The following P3H2 variants were observed in gnomAD, a reference collection of about 807,000 sequenced individuals.
P3H2 encodes prolyl 3-hydroxylase 2.
P3H2 carries 80 observed loss-of-function variants against 87.0 expected under a neutral mutation model. The ratio of observed to expected loss-of-function variants is 0.92; its 90% CI spans 0.77 to 1.11. The LOEUF (loss-of-function observed/expected upper bound fraction) is 1.11, where lower values mean the gene tolerates loss of function less well. P3H2 is among the 50% of genes least tolerant of loss of function. P3H2 has a pLI of 0.00. For synonymous variants in P3H2, 367 were observed against 359.3 expected (o/e 1.02, Z -0.24); for missense variants, 1,001 against 923.9 (o/e 1.08, Z -1.08).
chr3:190,016,315 C>T (rs1477419293), intron 1 of P3H2, among the ~76,000 whole-genome samples: 2 of 148,014 alleles, frequency 1.4e-5, no homozygotes, highest in East Asian at 2.0e-4. Flanking sequence ...GTGATCTCGG[C>T]GCACTGCAAC....
chr3:190,011,723 T>C (rs1724595575), intron 1 of P3H2, among the ~76,000 whole-genome samples: 2 of 152,208 alleles, frequency 1.3e-5, no homozygotes, highest in Admixed American at 1.3e-4. Context: ...AAATTTCTAA[T>C]GGGCATAGAT....
intron 1 of P3H2, among the ~76,000 whole-genome samples, chr3:190,058,334 G>T (rs1234727297): frequency 6.6e-6 from 1 of 152,120 alleles, no homozygotes; most frequent in African/African-American, 2.4e-5. Flanking sequence ...ACCTCATAGT[G>T]AAGATACCAG....
At chr3:190,009,915 A>G (rs7619204) in intron 1 of P3H2, among the ~76,000 whole-genome samples, 5,333 of 152,232 alleles carry the variant, frequency 0.035, 254 homozygotes, top group African/African-American at 0.11. Context: ...ACTGTGGGAA[A>G]GGCTATATGA....
In P3H2 at chr3:189,984,398, T is replaced by C. The variant is rs1476184957; in HGVS notation, c.1229+152A>G. On this transcript the variant is annotated intron_variant, in intron 7 of 14. Coordinates refer to ENST00000319332, the MANE Select transcript of P3H2 (RefSeq NM_018192.4). ...GTTACAAAAACGTGGCAGGAAGAGC[T>C]GGGACCTGGATGTAGAGCTCCTAAT... The C allele has an allele frequency of 6.5e-6, 4 of 618,186 alleles. No homozygotes were observed. In the Admixed American group the frequency reaches 7.7e-5, roughly 12 times the overall value. The allele number at this position is 618,186 out of a possible 1,614,324, so 38.3% of individuals were successfully genotyped here. A position where few individuals can be genotyped will look rare whatever the true frequency, so the allele number is the denominator to read the frequency against.
chr3:190,060,849 A>G (rs1726309465), intron 1 of P3H2, among the ~76,000 whole-genome samples: 1 of 152,138 alleles, frequency 6.6e-6, no homozygotes. Flanking sequence ...AATGGCAGGA[A>G]CCATGCTACA....
chr3:189,958,007 G>A lies in P3H2; in HGVS notation c.2035-3C>T. 1.2e-6 allele frequency: 2 copies of A among 1,607,026 alleles called. No individual in the cohort carries two copies. Among genetic ancestry groups the A allele is most frequent in the Non-Finnish European group, 1.7e-6 (2 of 1,173,630 alleles). ...ACTTCATCAGCCTGTATTCGCTCCT[G>A]CAAAAAAGACAATTTACACATTTCT... On this transcript the variant is annotated splice_polypyrimidine_tract_variant and splice_region_variant and intron_variant, in intron 14 of 14. Transcript: ENST00000319332.
chr3:189,969,468 C>T, intron 13 of P3H2: 1 of 911,618 alleles, frequency 1.1e-6, no homozygotes, highest in Non-Finnish European at 1.8e-6. Context: ...ACTCCTCTAG[C>T]ACAACAATGA....
Position 189,973,935 on chromosome 3 carries a change from C to T in P3H2, c.1522G>A (p.Gly508Ser), listed in dbSNP as rs1723264280. Residue 508 changes from glycine (G) to serine (S), a missense_variant, in exon 10 of 15, where the codon GGT (glycine) becomes AGT (serine). Coordinates refer to ENST00000319332, the MANE Select transcript of P3H2 (RefSeq NM_018192.4). ...TTGAGTGCTTTCAGGACAGTTGCAC[C>T]TTCAAACTTTTCATTGGGTGTATGG... ...SPHTPNEKFE[G>S]ATVLKALKSG... is the part of the protein sequence containing the mutation. 1 of 1,613,956 alleles carries T rather than the reference C, an allele frequency of 6.2e-7. No individual in the cohort carries two copies. Among genetic ancestry groups the T allele is most frequent in the Non-Finnish European group, 8.5e-7 (1 of 1,179,966 alleles).
intron 1 of P3H2, among the ~76,000 whole-genome samples, chr3:190,118,815 G>C (rs114392843): frequency 2.6e-4 from 40 of 152,070 alleles, no homozygotes; most frequent in Non-Finnish European, 4.6e-4. Flanking sequence ...ACACAGCCTG[G>C]TCCAGCCGTG....
chr3:190,045,212 G>A (rs958192453), intron 1 of P3H2, among the ~76,000 whole-genome samples: 4 of 152,146 alleles, frequency 2.6e-5, no homozygotes, highest in Non-Finnish European at 4.4e-5. Flanking sequence ...TAACAAGCAG[G>A]CAAGGCCCAG....
At chr3:190,006,273 T>G (rs2108931197) in intron 1 of P3H2, among the ~76,000 whole-genome samples, 1 of 152,354 alleles carries the variant, frequency 6.6e-6, no homozygotes, top group Non-Finnish European at 1.5e-5. Context: ...ATTTATATCA[T>G]ATAGTCCCAC....
At chr3:189,969,477 G>C in intron 13 of P3H2, 1 of 927,936 alleles carries the variant, frequency 1.1e-6, no homozygotes, top group Middle Eastern at 2.1e-4. Flanking sequence ...GCACAACAAT[G>C]ACTTCCATCA....
At chr3:190,027,971 A>G (rs1303039077) in intron 1 of P3H2, among the ~76,000 whole-genome samples, 1 of 151,538 alleles carries the variant, frequency 6.6e-6, no homozygotes, top group African/African-American at 2.4e-5. Context: ...CCATCGCAAA[A>G]AAAAAAAAAA....
Position 190,052,226 on chromosome 3 carries a change from G to C in P3H2, c.481-56784C>G, listed in dbSNP as rs998616197. On this transcript the variant is annotated intron_variant, in intron 1 of 14. Transcript: ENST00000319332. ...GCATGCATTAAGTATTTGTCCTAAT[G>C]CTCTCCCTTCCTCTTGCCCCTCACC... 3.3e-5 allele frequency among the ~76,000 whole-genome samples: 5 copies of C among 152,080 alleles called. No homozygotes were observed. The South Asian group carries it at 8.3e-4, about 25-fold the overall frequency.
intron 1 of P3H2, among the ~76,000 whole-genome samples, chr3:190,000,601 A>T (rs1439332526): frequency 6.6e-6 from 1 of 152,248 alleles, no homozygotes; most frequent in Non-Finnish European, 1.5e-5. Flanking sequence ...ATTTCTCTTC[A>T]ATGTAATTTT....
rs1461499291 is a variant in P3H2, at chr3:190,120,571, G to A, written c.161C>T (p.Ala54Val). The A allele has an allele frequency of 1.3e-6, 2 of 1,540,324 alleles. No homozygotes were observed. The highest frequency in any genetic ancestry group is 1.4e-5 in the African/African-American group (1 of 70,656). Residue 54 changes from alanine to valine, a missense_variant, in exon 1 of 15, where the codon GCC becomes GTC. Physicochemically the swap from Ala to Val is moderately conservative, Grantham distance 64. Coordinates refer to ENST00000319332, the MANE Select transcript of P3H2 (RefSeq NM_018192.4). ...FDLLYASGAA[A>V]YYSGDYERAV... ...TCGCTCGTAGTCTCCGCTGTAGTAG[G>A]CGGCCGCGCCGCTGGCGTAGAGCAG...
rs1712545301 is a variant in P3H2, at chr3:190,120,732, C to T, written c.-1G>A. 4 of 1,520,052 alleles carry T rather than the reference C, an allele frequency of 2.6e-6. No individual in the cohort carries two copies. The highest frequency in any genetic ancestry group is 2.0e-5 in the Admixed American group (1 of 49,710). The allele number at this position is 1,520,052 out of a possible 1,614,324, so 94.2% of individuals were successfully genotyped here. On this transcript the variant is annotated 5_prime_UTR_variant, in exon 1 of 15. Coordinates refer to ENST00000319332, the MANE Select transcript of P3H2 (RefSeq NM_018192.4). ...GCGGCGCCCAGATGCGCTCCCGCAT[C>T]CTCCGCCTCAGAGAGGCGCGGGACG...
At chr3:190,082,018 C>A (rs1193308109) in intron 1 of P3H2, among the ~76,000 whole-genome samples, 1 of 152,068 alleles carries the variant, frequency 6.6e-6, no homozygotes, top group Non-Finnish European at 1.5e-5. Context: ...CTTTAGGAGG[C>A]CAAAGTGGGC....
At chr3:190,038,044 CT>C (rs1725478083) in intron 1 of P3H2, among the ~76,000 whole-genome samples, 1 of 152,016 alleles carries the variant, frequency 6.6e-6, no homozygotes, top group Admixed American at 6.6e-5. Context: ...AAAAATAAAA[CT>C]GAATTAGAAG....
Sources: gnomAD v4.1 joint callset for allele counts (sites outside exome capture counted in the v4.1 genomes callset) on GRCh38, gnomAD v4.1.1 for gene constraint, MANE v1.5 for transcripts, NCBI Gene and HGNC (gene_info 2026-07-23, HGNC 2026-07-21) for gene names.